Variants in LGALS3 observed in about 807,000 individuals in gnomAD.
LGALS3 encodes the protein galectin-3.
LGALS3 carries 18 observed loss-of-function variants against 20.7 expected under a neutral mutation model. That is an observed-to-expected ratio of 0.87 (90% CI 0.60 to 1.29). The LOEUF (loss-of-function observed/expected upper bound fraction) is 1.29, where lower values mean the gene tolerates loss of function less well. Ranked by LOEUF, LGALS3 falls within the 50% of genes most tolerant of loss-of-function variation. LGALS3 has a pLI of 0.00. For synonymous variants in LGALS3, 112 were observed against 119.6 expected (o/e 0.94, Z 0.42); for missense variants, 315 against 314.7 (o/e 1.00, Z -0.01).
chr14:55,143,262 G>C (rs1325901805), intron 5 of LGALS3, among the ~76,000 whole-genome samples: 4 of 152,046 alleles, frequency 2.6e-5, no homozygotes, highest in African/African-American at 4.8e-5. Context: ...CTTTTTATTT[G>C]TAAGCACTGC....
chr14:55,130,909 T>A (rs934168276), intron 1 of LGALS3, among the ~76,000 whole-genome samples: 2 of 152,164 alleles, frequency 1.3e-5, no homozygotes, highest in African/African-American at 2.4e-5. Context: ...ACTAGGAAAT[T>A]GTGTGTTTCC....
intron 1 of LGALS3, among the ~76,000 whole-genome samples, chr14:55,130,758 G>T (rs941058588): frequency 0.011 from 1,606 of 150,150 alleles, 73 homozygotes; most frequent in African/African-American, 0.037. Flanking sequence ...GGTGGTGGGG[G>T]GGGGGGGGTC....
chr14:55,133,103 G>A (rs1471836479), intron 1 of LGALS3, among the ~76,000 whole-genome samples: 1 of 152,168 alleles, frequency 6.6e-6, no homozygotes, highest in Non-Finnish European at 1.5e-5. Flanking sequence ...AGTATGTTAT[G>A]TAGTTACAGA....
chr14:55,142,077 T>G (rs1030297953), intron 4 of LGALS3, among the ~76,000 whole-genome samples: 1 of 152,230 alleles, frequency 6.6e-6, no homozygotes, highest in African/African-American at 2.4e-5. Context: ...ATTAACTACC[T>G]TATCTCATTC....
At chr14:55,130,653 G>T (rs55710823) in intron 1 of LGALS3, among the ~76,000 whole-genome samples, 43,381 of 149,688 alleles carry the variant, frequency 0.29, 6,557 homozygotes, top group Non-Finnish European at 0.33. Context: ...TCTGCCTACC[G>T]GGTTCAAGCG....
intron 1 of LGALS3, among the ~76,000 whole-genome samples, chr14:55,135,251 G>A (rs187675496): frequency 6.6e-6 from 1 of 152,232 alleles, no homozygotes; most frequent in Admixed American, 6.5e-5. Flanking sequence ...CATCCCCAAT[G>A]CAGAAATCTG....
rs945320793 is a variant in LGALS3, at chr14:55,137,847, G to A, written c.19-198G>A. On this transcript the variant is annotated intron_variant, in intron 2 of 5. Transcript: ENST00000254301. ...AGACGTTGGGAGGCAAGAATAAAGT[G>A]AAAAAGTATATGTAATCCCAACATC... is the stretch of plus-strand genomic sequence containing the variant. The A allele has an allele frequency of 1.1e-4, 144 of 1,304,204 alleles. No homozygotes were observed. The African/African-American group carries it at 2.0e-3, about 19-fold the overall frequency. The allele number at this position is 1,304,204 out of a possible 1,614,324, so 80.8% of individuals were successfully genotyped here. A position where few individuals can be genotyped will look rare whatever the true frequency, so the allele number is the denominator to read the frequency against.
In LGALS3 at chr14:55,138,298, C is replaced by A; in HGVS notation, c.272C>A (p.Ser91Tyr). 1.2e-6 allele frequency: 2 copies of A among 1,612,730 alleles called. No homozygotes were observed. The highest frequency in any genetic ancestry group is 8.5e-7 in the Non-Finnish European group (1 of 1,179,798). Residue 91 changes from serine to tyrosine, a missense_variant, in exon 3 of 6, where the codon TCT (serine) becomes TAT (tyrosine). Ser to Tyr is a moderately radical substitution (Grantham distance 144). Coordinates refer to ENST00000254301, the MANE Select transcript of LGALS3 (RefSeq NM_002306.4). Reference protein sequence around the residue: ...GPPSGPGAYPSSGQPSATGAY... With the variant: ...GPPSGPGAYPYSGQPSATGAY... Reference sequence around the variant, plus strand: ...CCCAGCGGCCCTGGGGCCTACCCATCTTCTGGACAGCCAAGTGCCACCGGA... The same window carrying A: ...CCCAGCGGCCCTGGGGCCTACCCATATTCTGGACAGCCAAGTGCCACCGGA...
At chr14:55,143,443 G>C in intron 5 of LGALS3, 1 of 362,338 alleles carries the variant, frequency 2.8e-6, no homozygotes. Flanking sequence ...TTTTTTTCGA[G>C]ACAGAGTCTC....
chr14:55,137,272 G>C, intron 1 of LGALS3, 98 bp from the exon 2 acceptor site: 1 of 1,151,782 alleles, frequency 8.7e-7, no homozygotes, highest in South Asian at 1.2e-5. Context: ...AATGCCTAGA[G>C]ATGGATTAGA....
At chr14:55,135,572 T>C (rs868679953) in intron 1 of LGALS3, among the ~76,000 whole-genome samples, 3 of 138,056 alleles carry the variant, frequency 2.2e-5, no homozygotes, top group Non-Finnish European at 4.6e-5. Context: ...TTTTTTTTTT[T>C]TTTTTTTTTT....
chr14:55,141,144 A>G (rs917096003), intron 4 of LGALS3, among the ~76,000 whole-genome samples: 1 of 152,198 alleles, frequency 6.6e-6, no homozygotes, highest in Non-Finnish European at 1.5e-5. Flanking sequence ...CAATCAAGAG[A>G]TGGACTTCAC....
At chr14:55,137,093 G>A in intron 1 of LGALS3, 1 of 545,212 alleles carries the variant, frequency 1.8e-6, no homozygotes, top group Non-Finnish European at 3.3e-6. Flanking sequence ...CCAGAGTAGG[G>A]GATGGGGCAG....
At position 55,145,373 on chromosome 14, in the gene LGALS3, C is replaced by G. The variant is rs995684429; in HGVS notation, c.*102C>G. ...AAAATTTTTACATTCATCAATATCC[C>G]TCTTGTAAGTCATCTACTTAATAAA... On this transcript the variant is annotated 3_prime_UTR_variant, in exon 6 of 6. Coordinates refer to ENST00000254301, the MANE Select transcript of LGALS3 (RefSeq NM_002306.4). 2.6e-6 allele frequency: 4 copies of G among 1,557,320 alleles called. No homozygotes were observed. The highest frequency in any genetic ancestry group is 1.1e-5 in the South Asian group (1 of 87,220).
At chr14:55,137,685 G>A (rs1881451979) in intron 2 of LGALS3, 8 of 1,404,694 alleles carry the variant, frequency 5.7e-6, no homozygotes, top group South Asian at 3.2e-5. Context: ...TCTGAGTAGC[G>A]GGAAGTGCGG....
chr14:55,137,953 T>C, intron 2 of LGALS3, 92 bp from the exon 3 acceptor site: 1 of 1,428,050 alleles, frequency 7.0e-7, no homozygotes, highest in South Asian at 1.8e-5. Context: ...GCCATATTCC[T>C]CTCCTTCTTA....
chr14:55,131,829 A>G (rs1481263576), intron 1 of LGALS3, among the ~76,000 whole-genome samples: 2 of 152,236 alleles, frequency 1.3e-5, no homozygotes, highest in Non-Finnish European at 2.9e-5. Context: ...ATGATGAGAA[A>G]GAAATCCTAG....
intron 4 of LGALS3, among the ~76,000 whole-genome samples, chr14:55,140,925 T>C (rs1203606943): frequency 1.3e-5 from 2 of 152,188 alleles, no homozygotes; most frequent in African/African-American, 4.8e-5. Flanking sequence ...TTGGCCCTGG[T>C]TGTCACCACT....
rs1319588431 is a variant in LGALS3 at position 55,129,386 on chromosome 14, G to C, written c.-5+86G>C. The C allele has an allele frequency of 1.3e-5, 2 of 152,130 alleles. No individual in the cohort carries two copies. Among genetic ancestry groups the C allele is most frequent in the African/African-American group, 4.8e-5 (2 of 41,422 alleles). The allele number at this position is 152,130 out of a possible 1,614,324, so 9.4% of individuals were successfully genotyped here. On this transcript the variant is annotated intron_variant, in intron 1 of 5. Transcript: ENST00000254301. The surrounding 1 kb of genome is among the most constrained non-coding windows in gnomAD (Gnocchi z 5.3). ...CGCTGCTTGGGGCGCGGTCCGGAGAGGGTTCGGCTCCCCGGGACCGGGCCG... is the reference window on the plus strand; with the variant it reads ...CGCTGCTTGGGGCGCGGTCCGGAGACGGTTCGGCTCCCCGGGACCGGGCCG...
Sources: gnomAD v4.1 joint callset for allele counts (sites outside exome capture counted in the v4.1 genomes callset) on GRCh38, gnomAD v4.1.1 for gene constraint, Gnocchi (gnomAD v3.1) non-coding constraint, MANE v1.5 for transcripts, NCBI Gene and HGNC (gene_info 2026-07-23, HGNC 2026-07-21) for gene names.